DCHS2: variants seen among roughly 807,000 people sequenced by gnomAD.
The protein encoded by DCHS2 is dachsous cadherin-related 2.
DCHS2 carries 142 observed loss-of-function variants against 182.4 expected under a neutral mutation model. The ratio of observed to expected loss-of-function variants is 0.78; its 90% CI spans 0.68 to 0.89. The LOEUF is 0.89. Among genes scored for constraint, DCHS2 ranks in the 40% least tolerant of loss-of-function variants. The pLI, the probability that DCHS2 is intolerant of heterozygous loss-of-function variation, is 0.00. For synonymous variants in DCHS2, 1,740 were observed against 1,663.3 expected (o/e 1.05, Z -1.12); for missense variants, 4,319 against 4,198.6 (o/e 1.03, Z -0.79).
intron 1 of DCHS2, among the ~76,000 whole-genome samples, chr4:154,482,487 A>G (rs1162822473): frequency 6.6e-6 from 1 of 152,198 alleles, no homozygotes; most frequent in African/African-American, 2.4e-5. Context: ...TTCTTTGAGT[A>G]GGAAAGACTT....
At chr4:154,372,934 G>T (rs1730710986) in intron 2 of DCHS2, among the ~76,000 whole-genome samples, 1 of 152,130 alleles carries the variant, frequency 6.6e-6, no homozygotes, top group Non-Finnish European at 1.5e-5. Context: ...TCTTCTACTG[G>T]CAGATAAAAA....
chr4:154,263,463 A>C, intron 14 of DCHS2, among the ~76,000 whole-genome samples: 1 of 152,070 alleles, frequency 6.6e-6, no homozygotes, highest in Admixed American at 6.6e-5. Flanking sequence ...AGGACAAAAC[A>C]GAAATGAAGA....
chr4:154,305,034 A>G, intron 11 of DCHS2, 63 bp downstream of exon 11: 3 of 1,510,312 alleles, frequency 2.0e-6, no homozygotes, highest in Non-Finnish European at 2.6e-6. Context: ...TCACCACTTA[A>G]CAGGTTTTTT....
intron 10 of DCHS2, among the ~76,000 whole-genome samples, chr4:154,312,209 C>A (rs1163558189): frequency 6.6e-6 from 1 of 152,156 alleles, no homozygotes; most frequent in African/African-American, 2.4e-5. Context: ...CCTTTAAATC[C>A]TTCTCTGGGA....
intron 1 of DCHS2, among the ~76,000 whole-genome samples, chr4:154,388,552 T>C (rs1196338438): frequency 6.7e-6 from 1 of 148,374 alleles, no homozygotes; most frequent in African/African-American, 2.5e-5. Flanking sequence ...TGCAGTGCAG[T>C]GGTGCGATCT....
intron 2 of DCHS2, among the ~76,000 whole-genome samples, chr4:154,374,888 G>T (rs1340439684): frequency 1.3e-5 from 2 of 152,092 alleles, no homozygotes; most frequent in Non-Finnish European, 2.9e-5. Context: ...TCAAAGCGCA[G>T]AACGGTGTGT....
intron 1 of DCHS2, among the ~76,000 whole-genome samples, chr4:154,439,714 T>C (rs1392194219): frequency 6.6e-6 from 1 of 152,214 alleles, no homozygotes; most frequent in Non-Finnish European, 1.5e-5. Context: ...TATAGTTAAA[T>C]CTGAGCTTTA....
chr4:154,333,167 A>G lies in DCHS2; in HGVS notation c.3041T>C (p.Ile1014Thr), dbSNP rs1728566998. 1 of 1,614,148 alleles carries G rather than the reference A, an allele frequency of 6.2e-7. No homozygotes were observed. The highest frequency in any genetic ancestry group is 8.5e-7 in the Non-Finnish European group (1 of 1,180,026). ...CTGCGGGCTGGCGATGGAGTACCGG[A>G]TGAGTCCGTTCCGCCCACTGTCTCT... ...EDRDSGRNGL[I>T]RYSIASPQPG... The change falls in exon 5 of 20, where the codon ATC (isoleucine) becomes ACC (threonine). Residue 1014 changes from isoleucine (I) to threonine (T), a missense_variant. By Grantham distance (89) the Ile-to-Thr change is moderately conservative. Transcript: ENST00000357232.
At chr4:154,467,879 G>A (rs1393523144) in intron 1 of DCHS2, among the ~76,000 whole-genome samples, 3 of 152,090 alleles carry the variant, frequency 2.0e-5, no homozygotes, top group South Asian at 2.1e-4. Flanking sequence ...CCTGTAGTCC[G>A]ATGAAATCAT....
intron 3 of DCHS2, chr4:154,352,490 G>C (rs1014428951): frequency 2.0e-5 from 3 of 152,216 alleles, no homozygotes; most frequent in Non-Finnish European, 4.4e-5. Flanking sequence ...GGTAAATGCA[G>C]AGGGTTCCTC....
At chr4:154,268,888 T>C (rs892594759) in intron 14 of DCHS2, among the ~76,000 whole-genome samples, 9 of 152,138 alleles carry the variant, frequency 5.9e-5, no homozygotes, top group African/African-American at 1.9e-4. Context: ...GTCTGGGCCA[T>C]GTTAGGAGTG....
intron 1 of DCHS2, among the ~76,000 whole-genome samples, chr4:154,488,540 G>A (rs766117215): frequency 5.9e-5 from 9 of 152,088 alleles, no homozygotes; most frequent in Non-Finnish European, 1.2e-4. Flanking sequence ...TATACACTTG[G>A]TCATTTTAAA....
intron 1 of DCHS2, among the ~76,000 whole-genome samples, chr4:154,408,451 T>G (rs1197527680): frequency 6.6e-6 from 1 of 152,224 alleles, no homozygotes; most frequent in East Asian, 1.9e-4. Flanking sequence ...ATGTACTGGC[T>G]TTTCCTAAAA....
chr4:154,395,140 T>G (rs1000893315), intron 1 of DCHS2, among the ~76,000 whole-genome samples: 2 of 152,218 alleles, frequency 1.3e-5, no homozygotes, highest in Non-Finnish European at 2.9e-5. Context: ...TAGCCACTAG[T>G]GCAGAGAAGT....
chr4:154,263,262 A>T (rs1733071323), intron 14 of DCHS2, among the ~76,000 whole-genome samples: 1 of 152,152 alleles, frequency 6.6e-6, no homozygotes, highest in Non-Finnish European at 1.5e-5. Flanking sequence ...GATGCATTTA[A>T]TATCATAATT....
In DCHS2 at chr4:154,306,140, G is replaced by T. The variant is rs141503029; in HGVS notation, c.5261-909C>A. 4.8e-3 allele frequency among the ~76,000 whole-genome samples: 733 copies of T among 152,166 alleles called. 6 individuals are homozygous for T. The highest frequency in any genetic ancestry group is 0.017 in the African/African-American group (704 of 41,544). On this transcript the variant is annotated intron_variant, in intron 10 of 19. Coordinates refer to ENST00000357232, the MANE Select transcript of DCHS2 (RefSeq NM_001358235.2). Reference sequence around the variant, plus strand: ...ATTATGATCTGGCAGATATTATATAGGACTGAGAGCTGAAAGGAGTGAAAT... The same window carrying T: ...ATTATGATCTGGCAGATATTATATATGACTGAGAGCTGAAAGGAGTGAAAT...
chr4:154,263,928 T>C (rs1733111495), intron 14 of DCHS2, among the ~76,000 whole-genome samples: 1 of 151,814 alleles, frequency 6.6e-6, no homozygotes, highest in Non-Finnish European at 1.5e-5. Context: ...TTCCAAAAGG[T>C]TTTGGCCAAA....
rs565947992 is a variant in DCHS2 at position 154,462,341 on chromosome 4, C to T, written c.2052+26963G>A. On this transcript the variant is annotated intron_variant, in intron 1 of 19. Coordinates refer to ENST00000357232, the MANE Select transcript of DCHS2 (RefSeq NM_001358235.2). ...CACTTTACAGTCAAGCAAAGGACTA[C>T]GAACAATCACACTTTATGTTTGCAT... Among the ~76,000 whole-genome samples the T allele has an allele frequency of 5.9e-5, 9 of 152,250 alleles. No homozygotes were observed. In the East Asian group the frequency reaches 7.7e-4, roughly 13 times the overall value.
chr4:154,234,377 A>C lies in DCHS2; in HGVS notation c.*159T>G. The stretch of plus-strand genomic sequence containing the variant: ...ATAACTTTTCATTAAGGCTGGAAGA[A>C]ATTGGAGAAACTTTAATGGGGAAGT... On this transcript the variant is annotated 3_prime_UTR_variant, in exon 20 of 20. Transcript: ENST00000357232. 1 of 1,038,808 alleles carries C rather than the reference A, an allele frequency of 9.6e-7. No individual in the cohort carries two copies. Among genetic ancestry groups the C allele is most frequent in the South Asian group, 1.9e-5 (1 of 51,908 alleles). 64.3% of individuals were successfully genotyped at this position (1,038,808 alleles called of 1,614,324 possible).
Sources: allele counts gnomAD v4.1 joint callset (sites outside exome capture counted in the v4.1 genomes callset), GRCh38; gene constraint gnomAD v4.1.1; transcripts MANE v1.5; gene names NCBI Gene and HGNC (gene_info 2026-07-23, HGNC 2026-07-21).